Variants in MAF observed in about 807,000 individuals in gnomAD.
MAF encodes MAF bZIP transcription factor, also known as transcription factor Maf.
Under a neutral mutation model 22.0 loss-of-function variants are expected in MAF, and 10 were observed. That is an observed-to-expected ratio of 0.45 (90% CI 0.28 to 0.77). MAF has a LOEUF of 0.77. MAF is among the 30% of genes least tolerant of loss of function. The pLI, the probability that MAF is intolerant of heterozygous loss-of-function variation, is 0.12. For synonymous variants in MAF, 337 were observed against 255.8 expected, an observed-to-expected ratio of 1.32 and a Z score of -3.03; for missense variants, 544 against 548.4, an observed-to-expected ratio of 0.99 and a Z score of 0.08.
the MAF span, among the ~76,000 whole-genome samples, chr16:79,452,886 G>A: frequency 6.6e-6 from 1 of 152,056 alleles, no homozygotes; most frequent in African/African-American, 2.4e-5. Context: ...CTGTGCCCCT[G>A]GATCAACACT....
the MAF span, among the ~76,000 whole-genome samples, chr16:79,263,188 G>A: frequency 6.6e-6 from 1 of 152,156 alleles, no homozygotes; most frequent in Non-Finnish European, 1.5e-5. Flanking sequence ...GTATATCTAG[G>A]GAGGCCGGGA....
the MAF span, among the ~76,000 whole-genome samples, chr16:79,546,911 T>C: frequency 1.3e-5 from 2 of 152,150 alleles, no homozygotes; most frequent in Non-Finnish European, 2.9e-5. Flanking sequence ...GGAATCTAAA[T>C]ACAGTGAACA....
chr16:79,532,473 A>G, the MAF span, among the ~76,000 whole-genome samples: 2,076 of 152,356 alleles, frequency 0.014, 16 homozygotes, highest in Non-Finnish European at 0.022. Flanking sequence ...AGCTCCAATC[A>G]TTCAATCTGA....
At chr16:79,211,317 G>A in the MAF span, among the ~76,000 whole-genome samples, 34 of 152,264 alleles carry the variant, frequency 2.2e-4, no homozygotes, top group Middle Eastern at 6.8e-3. Context: ...TGGAAGAGGC[G>A]CCTGCCACGA....
chr16:79,210,093 C>G, the MAF span, among the ~76,000 whole-genome samples: 1 of 152,192 alleles, frequency 6.6e-6, no homozygotes, highest in South Asian at 2.1e-4. Flanking sequence ...CATCAAGCAG[C>G]CAGTTATTAT....
the MAF span, among the ~76,000 whole-genome samples, chr16:79,393,800 G>A: frequency 6.6e-6 from 1 of 152,188 alleles, no homozygotes; most frequent in Middle Eastern, 3.2e-3. Flanking sequence ...CAAAAGAGGT[G>A]TTTACGGAGG....
the MAF span, among the ~76,000 whole-genome samples, chr16:79,479,327 G>T: frequency 6.6e-6 from 1 of 152,220 alleles, no homozygotes; most frequent in Non-Finnish European, 1.5e-5. Flanking sequence ...ATGTAGCAGT[G>T]TACCATCCCC....
the MAF span, among the ~76,000 whole-genome samples, chr16:79,509,185 G>A: frequency 6.6e-6 from 1 of 152,176 alleles, no homozygotes; most frequent in South Asian, 2.1e-4. Context: ...CCATCTCCGA[G>A]GCGTGGTAGC....
At chr16:79,501,456 G>A in the MAF span, among the ~76,000 whole-genome samples, 1 of 152,184 alleles carries the variant, frequency 6.6e-6, no homozygotes, top group African/African-American at 2.4e-5. Flanking sequence ...CACCAGAACA[G>A]GCAGTAGGTC....
chr16:79,235,379 A>G, the MAF span, among the ~76,000 whole-genome samples: 14 of 152,028 alleles, frequency 9.2e-5, no homozygotes, highest in Non-Finnish European at 1.5e-4. Flanking sequence ...ATATCAAGAT[A>G]CCATCCCTAG....
chr16:79,260,932 C>T, the MAF span, among the ~76,000 whole-genome samples: 1 of 152,016 alleles, frequency 6.6e-6, no homozygotes, highest in Non-Finnish European at 1.5e-5. Flanking sequence ...TACAACCAAA[C>T]TAACATTCTA....
chr16:79,320,581 A>G, the MAF span, among the ~76,000 whole-genome samples: 1 of 152,168 alleles, frequency 6.6e-6, no homozygotes, highest in African/African-American at 2.4e-5. Context: ...GTCTCTCGAG[A>G]AGGAGCCAGT....
At position 79,598,779 on chromosome 16, in the gene MAF, A is replaced by T; in HGVS notation, c.1118+6T>A. On this transcript the variant is annotated splice_donor_region_variant and intron_variant, in intron 1 of 1. Transcript: ENST00000326043. ...GTGGCTAGCTGGAATCGCGTGTCAG[A>T]CTCACATGAAAAACTCGGGAGAGGA... is the stretch of plus-strand genomic sequence containing the variant. 1.2e-6 allele frequency: 2 copies of T among 1,613,208 alleles called. No homozygotes were observed. The highest frequency in any genetic ancestry group is 1.7e-6 in the Non-Finnish European group (2 of 1,179,880).
the MAF span, among the ~76,000 whole-genome samples, chr16:79,489,041 C>T: frequency 1.3e-5 from 2 of 152,136 alleles, no homozygotes; most frequent in African/African-American, 4.8e-5. Context: ...TTTGTTGATG[C>T]CTGAAACTAG....
At chr16:79,396,424 A>G in the MAF span, among the ~76,000 whole-genome samples, 2 of 152,220 alleles carry the variant, frequency 1.3e-5, no homozygotes, top group Non-Finnish European at 2.9e-5. Context: ...AAACCACAAG[A>G]TAAGAAAAAG....
At chr16:79,307,060 G>A in the MAF span, among the ~76,000 whole-genome samples, 1 of 152,206 alleles carries the variant, frequency 6.6e-6, no homozygotes, top group Admixed American at 6.5e-5. Context: ...CGAAGGGTAT[G>A]TTTGCAAAAT....
At chr16:79,280,544 G>A in the MAF span, among the ~76,000 whole-genome samples, 7 of 152,196 alleles carry the variant, frequency 4.6e-5, no homozygotes, top group Admixed American at 2.6e-4. Context: ...CCACCATGAG[G>A]GATCACTTGC....
the MAF span, among the ~76,000 whole-genome samples, chr16:79,551,964 G>A: frequency 2.9e-4 from 44 of 152,026 alleles, no homozygotes; most frequent in Admixed American, 9.8e-4. Flanking sequence ...CTCCTGCTTC[G>A]ACACAGCTGT....
At chr16:79,306,749 T>C in the MAF span, among the ~76,000 whole-genome samples, 2 of 152,170 alleles carry the variant, frequency 1.3e-5, no homozygotes, top group African/African-American at 2.4e-5. Flanking sequence ...GCAATCCTCA[T>C]AGACAGCTTC....
Sources: gnomAD v4.1 joint callset for allele counts (sites outside exome capture counted in the v4.1 genomes callset) on GRCh38, gnomAD v4.1.1 for gene constraint, MANE v1.5 for transcripts, NCBI Gene and HGNC (gene_info 2026-07-23, HGNC 2026-07-21) for gene names.